RASGEF1C: variants seen among roughly 807,000 people sequenced by gnomAD.
The protein encoded by RASGEF1C is ras-GEF domain-containing family member 1C.
RASGEF1C carries 27 observed loss-of-function variants against 58.1 expected under a neutral mutation model. The observed-to-expected ratio is 0.46, with a 90% CI of 0.34 to 0.64. RASGEF1C has a LOEUF of 0.64. Ranked by LOEUF, RASGEF1C falls within the 30% of genes least tolerant of loss-of-function variation. RASGEF1C has a pLI of 0.01. For synonymous variants in RASGEF1C, 243 were observed against 246.3 expected (o/e 0.99, Z 0.13); for missense variants, 502 against 605.1 (o/e 0.83, Z 1.79).
At position 180,198,743 on chromosome 5, in the gene RASGEF1C, G is replaced by A. The variant is rs1173170005; in HGVS notation, c.-7+10285C>T. Among the ~76,000 whole-genome samples the A allele has an allele frequency of 6.6e-6, 1 of 152,150 alleles. No individual in the cohort carries two copies. Among genetic ancestry groups the A allele is most frequent in the Non-Finnish European group, 1.5e-5 (1 of 68,038 alleles). On this transcript the variant is annotated intron_variant, in intron 1 of 13. Coordinates refer to ENST00000361132, the MANE Select transcript of RASGEF1C (RefSeq NM_175062.4). The surrounding 1 kb of genome is among the most constrained non-coding windows in gnomAD (Gnocchi z 4.5). ...TGTTTCAACATATAAATTTGTGGGG[G>A]GACATGCTCAGACCATAGCAGATGG...
At chr5:180,184,757 C>G (rs1266812748) in intron 1 of RASGEF1C, among the ~76,000 whole-genome samples, 4 of 152,092 alleles carry the variant, frequency 2.6e-5, no homozygotes, top group African/African-American at 7.2e-5. Flanking sequence ...ATTATTTTAT[C>G]TATATGATTA....
intron 1 of RASGEF1C, among the ~76,000 whole-genome samples, chr5:180,178,747 G>A (rs781571436): frequency 4.6e-5 from 7 of 152,298 alleles, no homozygotes; most frequent in Non-Finnish European, 2.9e-5. Flanking sequence ...AGACCACGGC[G>A]CAGATGTGGG....
chr5:180,141,224 G>C (rs1766574759), intron 1 of RASGEF1C, among the ~76,000 whole-genome samples: 1 of 152,174 alleles, frequency 6.6e-6, no homozygotes, highest in Admixed American at 6.5e-5. Context: ...GCAGGGCAGG[G>C]CTGCCTCATT....
Position 180,175,588 on chromosome 5 carries a change from C to T in RASGEF1C, c.-7+33440G>A, listed in dbSNP as rs536893146. On this transcript the variant is annotated intron_variant, in intron 1 of 13. Transcript: ENST00000361132. ...ACTCGGGACATTTCCCGAGCCTGAG[C>T]AGTCCCTGTGTTGTTCACATGCTCA... 2.2e-4 allele frequency among the ~76,000 whole-genome samples: 33 copies of T among 152,358 alleles called. No homozygotes were observed. The South Asian group carries it at 3.3e-3, about 15-fold the overall frequency.
chr5:180,190,358 C>T (rs374181865), intron 1 of RASGEF1C, among the ~76,000 whole-genome samples: 168 of 151,418 alleles, frequency 1.1e-3, no homozygotes, highest in South Asian at 5.1e-3. Flanking sequence ...GGCGTGGTGG[C>T]GGGCGCCTGT....
At chr5:180,126,627 T>C (rs577202670) in intron 6 of RASGEF1C, among the ~76,000 whole-genome samples, 3 of 152,218 alleles carry the variant, frequency 2.0e-5, no homozygotes, top group Admixed American at 6.5e-5. Context: ...GTCTTGGAGG[T>C]TGTTCTGTCC....
At chr5:180,112,868 C>T (rs1024749582) in intron 11 of RASGEF1C, among the ~76,000 whole-genome samples, 2 of 151,894 alleles carry the variant, frequency 1.3e-5, no homozygotes, top group Admixed American at 6.6e-5. Context: ...ACGGAGGGAC[C>T]GAGGATGGAC....
chr5:180,196,137 G>A (rs1756272503), intron 1 of RASGEF1C, among the ~76,000 whole-genome samples: 1 of 152,142 alleles, frequency 6.6e-6, no homozygotes, highest in African/African-American at 2.4e-5. Context: ...CACTAGGGAT[G>A]CTTCCTGGGC....
At chr5:180,194,365 G>A (rs569754909) in intron 1 of RASGEF1C, among the ~76,000 whole-genome samples, 4 of 152,244 alleles carry the variant, frequency 2.6e-5, no homozygotes, top group African/African-American at 4.8e-5. Context: ...CGCTTTCCCC[G>A]GCAAACATTT....
At chr5:180,178,828 TA>T (rs2113320704) in intron 1 of RASGEF1C, among the ~76,000 whole-genome samples, 1 of 151,990 alleles carries the variant, frequency 6.6e-6, no homozygotes, top group African/African-American at 2.4e-5. Flanking sequence ...AAAATGGGCC[TA>T]ATGCACCCCC....
intron 1 of RASGEF1C, among the ~76,000 whole-genome samples, chr5:180,164,583 G>C (rs1766991314): frequency 6.6e-6 from 1 of 152,094 alleles, no homozygotes; most frequent in Non-Finnish European, 1.5e-5. Context: ...TAATTTCTAA[G>C]GGTTTGTTCT....
chr5:180,105,139 A>G (rs1765855055), intron 12 of RASGEF1C, among the ~76,000 whole-genome samples: 3 of 152,334 alleles, frequency 2.0e-5, no homozygotes, highest in South Asian at 4.1e-4. Flanking sequence ...AATTTCATGG[A>G]TAAGTTTGTT....
chr5:180,123,910 T>C (rs1766214840), intron 6 of RASGEF1C, among the ~76,000 whole-genome samples: 1 of 152,072 alleles, frequency 6.6e-6, no homozygotes, highest in Non-Finnish European at 1.5e-5. Flanking sequence ...CTAGAGAATA[T>C]TACAAATAAT....
chr5:180,152,597 A>T (rs1305379946), intron 1 of RASGEF1C, among the ~76,000 whole-genome samples: 4 of 149,234 alleles, frequency 2.7e-5, no homozygotes, highest in Non-Finnish European at 5.9e-5. Context: ...TAGCATTAGG[A>T]GATATACCTA....
rs1024781636 is a variant in RASGEF1C at position 180,137,026 on chromosome 5, G to T, written c.301-511C>A. ...AGGCGGCCAAGCGCCACACCAGCCA[G>T]CCCGAGGGAGGCCAGCCCCGGGAAG... is the stretch of plus-strand genomic sequence containing the variant. On this transcript the variant is annotated intron_variant, in intron 3 of 13. Transcript: ENST00000361132. The surrounding 1 kb of genome is among the most constrained non-coding windows in gnomAD (Gnocchi z 4.1). 6.6e-6 allele frequency among the ~76,000 whole-genome samples: 1 copy of T among 152,192 alleles called. No homozygotes were observed. Among genetic ancestry groups the T allele is most frequent in the African/African-American group, 2.4e-5 (1 of 41,450 alleles).
intron 1 of RASGEF1C, among the ~76,000 whole-genome samples, chr5:180,203,512 A>G (rs1304319970): frequency 6.6e-6 from 1 of 152,218 alleles, no homozygotes; most frequent in Non-Finnish European, 1.5e-5. Context: ...ACATGAGTGG[A>G]GAAGCAAATC....
intron 12 of RASGEF1C, among the ~76,000 whole-genome samples, chr5:180,104,853 CGT>C (rs536065928): frequency 6.0e-4 from 91 of 152,156 alleles, no homozygotes; most frequent in Admixed American, 2.0e-3. Context: ...TTGTTAAATT[CGT>C]GTGTGTGGAG....
intron 1 of RASGEF1C, among the ~76,000 whole-genome samples, chr5:180,200,628 T>C (rs1756372727): frequency 6.6e-6 from 1 of 152,004 alleles, no homozygotes; most frequent in Non-Finnish European, 1.5e-5. Context: ...CACCATTCTT[T>C]ATGGAGCTTT....
rs1208185354 is a variant in RASGEF1C at position 180,137,142 on chromosome 5, G to A, written c.300+448C>T. Reference sequence around the variant, plus strand: ...GGTCCCTGAGATAGGGCAGGTACACGGGCCAGCTAAGTCCTTTTGGTTCAG... The same window carrying A: ...GGTCCCTGAGATAGGGCAGGTACACAGGCCAGCTAAGTCCTTTTGGTTCAG... On this transcript the variant is annotated intron_variant, in intron 3 of 13. Transcript: ENST00000361132. This position sits in a 1 kb window ranked among gnomAD's most constrained non-coding sequence, Gnocchi z 4.1. 6.6e-6 allele frequency among the ~76,000 whole-genome samples: 1 copy of A among 152,166 alleles called. No individual in the cohort carries two copies. The highest frequency in any genetic ancestry group is 2.4e-5 in the African/African-American group (1 of 41,440).
Sources: allele counts gnomAD v4.1 joint callset (sites outside exome capture counted in the v4.1 genomes callset), GRCh38; gene constraint gnomAD v4.1.1; non-coding constraint Gnocchi (gnomAD v3.1); transcripts MANE v1.5; gene names NCBI Gene and HGNC (gene_info 2026-07-23, HGNC 2026-07-21).